The following IQUB variants were observed in gnomAD, a reference collection of about 807,000 sequenced individuals.
IQUB encodes the protein IQ motif and ubiquitin-like domain-containing protein.
Under a neutral mutation model 86.4 loss-of-function variants are expected in IQUB, and 86 were observed. The ratio of observed to expected loss-of-function variants is 1.00; its 90% CI spans 0.84 to 1.19. IQUB has a LOEUF of 1.19. IQUB is among the 50% of genes most tolerant of loss of function. IQUB has a pLI of 0.00. For missense variants in IQUB, 946 were observed against 916.9 expected (o/e 1.03, Z -0.41); for synonymous variants, 289 against 304.5 (o/e 0.95, Z 0.53).
At position 123,452,461 on chromosome 7, in the gene IQUB, A is replaced by G. The variant is rs1793466428; in HGVS notation, c.*282T>C. The G allele has an allele frequency of 4.7e-6, 1 of 213,262 alleles. No homozygotes were observed. Among genetic ancestry groups the G allele is most frequent in the Non-Finnish European group, 9.2e-6 (1 of 108,930 alleles). The allele number at this position is 213,262 out of a possible 1,614,324, so 13.2% of individuals were successfully genotyped here. A position where few individuals can be genotyped will look rare whatever the true frequency, so the allele number is the denominator to read the frequency against. ...GATTTTAACTCTAATATACTTGAAAAAATTTAAAAAATTTAATGTGAAAAC... is the reference window on the plus strand; with the variant it reads ...GATTTTAACTCTAATATACTTGAAAGAATTTAAAAAATTTAATGTGAAAAC... On this transcript the variant is annotated 3_prime_UTR_variant, in exon 13 of 13. Coordinates refer to ENST00000324698, the MANE Select transcript of IQUB (RefSeq NM_178827.5).
At position 123,502,192 on chromosome 7, in the gene IQUB, T is replaced by C. The variant is rs1000209390; in HGVS notation, c.1023+405A>G. 6 of 162,890 alleles carry C rather than the reference T, an allele frequency of 3.7e-5. No homozygotes were observed. In the East Asian group the frequency reaches 9.4e-4, roughly 25 times the overall value. 10.1% of individuals were successfully genotyped at this position (162,890 alleles called of 1,614,324 possible). A position where few individuals can be genotyped will look rare whatever the true frequency, so the allele number is the denominator to read the frequency against. ...TAAAAGAATGAAAAATGAGAGACTA[T>C]GCAAAAAAATAAAACAGAGTTGGAG... On this transcript the variant is annotated intron_variant, in intron 6 of 12. Coordinates refer to ENST00000324698, the MANE Select transcript of IQUB (RefSeq NM_178827.5).
rs760765844 is a variant in IQUB, at chr7:123,502,948, G to A, written c.863C>T (p.Thr288Met). The part of the protein sequence containing the change: ...PERLSIFCRD[T>M]QTVFQKKNLQ... ...AGAGACAAATAAAAACATTACCTGC[G>A]TATCCCTACAAAATATACTGAGTCT... The change falls in exon 5 of 13, where the codon ACG (threonine) becomes ATG (methionine). Residue 288 changes from threonine to methionine, a missense_variant. Physicochemically the swap from Thr to Met is moderately conservative, Grantham distance 81. Transcript: ENST00000324698. 125 of 1,608,212 alleles carry A rather than the reference G, an allele frequency of 7.8e-5. No individual in the cohort carries two copies. The highest frequency in any genetic ancestry group is 4.2e-4 in the East Asian group (19 of 44,780).
intron 7 of IQUB, among the ~76,000 whole-genome samples, chr7:123,495,547 CA>C (rs1417393658): frequency 2.0e-5 from 3 of 151,972 alleles, no homozygotes; most frequent in Non-Finnish European, 4.4e-5. Context: ...AGAGAGAGGT[CA>C]AAAATTTATT....
intron 7 of IQUB, among the ~76,000 whole-genome samples, chr7:123,492,878 CTTCT>C (rs1795533690): frequency 6.6e-6 from 1 of 152,170 alleles, no homozygotes; most frequent in Non-Finnish European, 1.5e-5. Context: ...TCACTTCAAG[CTTCT>C]TTCTGACAAG....
At chr7:123,476,955 A>G (rs982371516) in intron 8 of IQUB, among the ~76,000 whole-genome samples, 1 of 152,202 alleles carries the variant, frequency 6.6e-6, no homozygotes, top group African/African-American at 2.4e-5. Context: ...AACAAATGGA[A>G]GAACATGCCA....
chr7:123,452,902 G>A lies in IQUB; in HGVS notation c.2217C>T (p.His739=). The A allele has an allele frequency of 2.5e-6, 4 of 1,611,690 alleles. No homozygotes were observed. The highest frequency in any genetic ancestry group is 3.4e-6 in the Non-Finnish European group (4 of 1,178,724). Residue 739 remains histidine (H), a synonymous_variant, in exon 13 of 13, where the codon CAC becomes CAT. Coordinates refer to ENST00000324698, the MANE Select transcript of IQUB (RefSeq NM_178827.5). ...CCAGGATATGTTTGTGTTTGATCTT[G>A]TGAATAAATGAGCGTTCATATCCCT... ...IEEGYERSFI[H]KIKHKHILAK...
At chr7:123,483,024 G>GT (rs1005668288) in intron 7 of IQUB, among the ~76,000 whole-genome samples, 2 of 151,966 alleles carry the variant, frequency 1.3e-5, no homozygotes, top group Non-Finnish European at 2.9e-5. Context: ...TTCATTCCAG[G>GT]TTTTTTTGGA....
chr7:123,523,261 C>A (rs2117334705), intron 1 of IQUB, among the ~76,000 whole-genome samples: 1 of 142,362 alleles, frequency 7.0e-6, no homozygotes, highest in South Asian at 2.2e-4. Context: ...AGTTCTAGAT[C>A]CCTGAGGAAT....
chr7:123,464,246 G>A (rs1794141199), intron 10 of IQUB, among the ~76,000 whole-genome samples: 2 of 151,830 alleles, frequency 1.3e-5, no homozygotes, highest in Non-Finnish European at 2.9e-5. Flanking sequence ...GCTTTAGAGA[G>A]CCACAGAAGC....
At position 123,483,003 on chromosome 7, in the gene IQUB, A is replaced by G. The variant is rs186750715; in HGVS notation, c.1235-3033T>C. Among the ~76,000 whole-genome samples the G allele has an allele frequency of 1.1e-4, 16 of 152,258 alleles. No homozygotes were observed. The East Asian group carries it at 3.1e-3, about 29-fold the overall frequency. On this transcript the variant is annotated intron_variant, in intron 7 of 12. Transcript: ENST00000324698. Reference sequence around the variant, plus strand: ...GTCACTTTACTCATCAGCATGTATCATAAGTTTCAGTTCATTCCAGGTTTT... The same window carrying G: ...GTCACTTTACTCATCAGCATGTATCGTAAGTTTCAGTTCATTCCAGGTTTT...
At chr7:123,507,244 C>T (rs891074686) in intron 3 of IQUB, among the ~76,000 whole-genome samples, 3 of 152,170 alleles carry the variant, frequency 2.0e-5, no homozygotes, top group African/African-American at 7.2e-5. Flanking sequence ...ACTTCGAGCA[C>T]CCAATCATTC....
At chr7:123,517,754 T>C (rs905877804) in intron 1 of IQUB, among the ~76,000 whole-genome samples, 7 of 152,092 alleles carry the variant, frequency 4.6e-5, no homozygotes, top group Admixed American at 4.6e-4. Flanking sequence ...ATTATTTTCA[T>C]AGCTATGTAG....
At chr7:123,495,910 T>C (rs1283577657) in intron 7 of IQUB, among the ~76,000 whole-genome samples, 1 of 152,100 alleles carries the variant, frequency 6.6e-6, no homozygotes, top group African/African-American at 2.4e-5. Flanking sequence ...AGATGTATTA[T>C]TACTAAAGAA....
chr7:123,457,515 G>C lies in IQUB; in HGVS notation c.2059C>G (p.Leu687Val), dbSNP rs368413028. 7.5e-6 allele frequency: 12 copies of C among 1,609,974 alleles called. No homozygotes were observed. The East Asian group carries it at 8.9e-5, about 12-fold the overall frequency. Residue 687 changes from leucine (L) to valine (V), a missense_variant, in exon 12 of 13, where the codon CTC becomes GTC. Coordinates refer to ENST00000324698, the MANE Select transcript of IQUB (RefSeq NM_178827.5). The part of the protein sequence containing the change: ...TENIWASQSV[L>V]SACDNLSDLV... ...TCACTGAGATTGTCGCAAGCACTGA[G>C]GACTGACTGGGACGCCCAGATGTTC...
chr7:123,513,398 C>CT (rs1562870005), intron 1 of IQUB, among the ~76,000 whole-genome samples: 1 of 151,866 alleles, frequency 6.6e-6, no homozygotes, highest in Non-Finnish European at 1.5e-5. Flanking sequence ...AAATATGAGA[C>CT]TAAAAGCCAT....
intron 1 of IQUB, among the ~76,000 whole-genome samples, chr7:123,523,985 C>T (rs549518364): frequency 0.018 from 2,745 of 151,868 alleles, 33 homozygotes; most frequent in Middle Eastern, 0.044. Flanking sequence ...GCTCGTTTTT[C>T]TCAGGTTTGT....
intron 1 of IQUB, among the ~76,000 whole-genome samples, chr7:123,533,514 G>C (rs1039610671): frequency 6.6e-6 from 1 of 152,104 alleles, no homozygotes; most frequent in Non-Finnish European, 1.5e-5. Context: ...AGATTGTTAG[G>C]TAGTGACATT....
At chr7:123,471,253 A>G (rs1355788275) in intron 8 of IQUB, among the ~76,000 whole-genome samples, 2 of 152,248 alleles carry the variant, frequency 1.3e-5, no homozygotes, top group Non-Finnish European at 2.9e-5. Context: ...AAAATATTTT[A>G]TCATTCAATT....
intron 1 of IQUB, among the ~76,000 whole-genome samples, chr7:123,526,187 G>T (rs570323137): frequency 5.6e-4 from 85 of 152,110 alleles, no homozygotes; most frequent in African/African-American, 2.0e-3. Context: ...TGTTGATTTG[G>T]GGTGTAGAGT....
Sources: allele counts gnomAD v4.1 joint callset (sites outside exome capture counted in the v4.1 genomes callset), GRCh38; gene constraint gnomAD v4.1.1; transcripts MANE v1.5; gene names NCBI Gene and HGNC (gene_info 2026-07-23, HGNC 2026-07-21).